The following SLC44A5 variants were observed in gnomAD, a reference collection of about 807,000 sequenced individuals.
The protein encoded by SLC44A5 is choline transporter-like protein 5.
SLC44A5 carries 57 observed loss-of-function variants against 101.8 expected under a neutral mutation model. That is an observed-to-expected ratio of 0.56 (90% CI 0.45 to 0.70). SLC44A5 has a LOEUF of 0.70. Among genes scored for constraint, SLC44A5 ranks in the 30% least tolerant of loss-of-function variants. The pLI is 0.00. For missense variants in SLC44A5, 737 were observed against 853.1 expected (o/e 0.86, Z 1.70); for synonymous variants, 281 against 290.9 (o/e 0.97, Z 0.35).
intron 9 of SLC44A5, among the ~76,000 whole-genome samples, chr1:75,239,864 A>T (rs879733599): frequency 2.6e-5 from 4 of 152,060 alleles, no homozygotes; most frequent in East Asian, 1.9e-4. Flanking sequence ...GAATGAGTTA[A>T]CTTTTTCGAG....
At chr1:75,517,354 G>A (rs115688779) in intron 2 of SLC44A5, among the ~76,000 whole-genome samples, 2,519 of 151,806 alleles carry the variant, frequency 0.017, 46 homozygotes, top group Middle Eastern at 0.034. Flanking sequence ...GAACACCAAG[G>A]CACAATAGAT....
At chr1:75,532,339 T>C (rs1208564862) in intron 2 of SLC44A5, among the ~76,000 whole-genome samples, 1 of 152,260 alleles carries the variant, frequency 6.6e-6, no homozygotes, top group Non-Finnish European at 1.5e-5. Context: ...AGTTGTCTAA[T>C]GCTTCAGATT....
intron 2 of SLC44A5, among the ~76,000 whole-genome samples, chr1:75,422,602 T>C (rs772423830): frequency 6.6e-6 from 1 of 152,206 alleles, no homozygotes; most frequent in Non-Finnish European, 1.5e-5. Flanking sequence ...GAGGGACATA[T>C]TTATATTACC....
At chr1:75,528,528 C>G (rs1670549067) in intron 2 of SLC44A5, among the ~76,000 whole-genome samples, 1 of 152,114 alleles carries the variant, frequency 6.6e-6, no homozygotes, top group African/African-American at 2.4e-5. Flanking sequence ...TTGTCAAATG[C>G]AGGCAAACAT....
chr1:75,716,715 C>T, the SLC44A5 span, among the ~76,000 whole-genome samples: 2 of 152,096 alleles, frequency 1.3e-5, no homozygotes, highest in African/African-American at 2.4e-5. Context: ...AACCTAAATG[C>T]CCATCAACTA....
chr1:75,604,594 C>G (rs898157360), intron 1 of SLC44A5, among the ~76,000 whole-genome samples: 3 of 152,150 alleles, frequency 2.0e-5, no homozygotes, highest in African/African-American at 7.2e-5. Context: ...AGCATTGAAT[C>G]TGTAGATTGC....
intron 2 of SLC44A5, among the ~76,000 whole-genome samples, chr1:75,488,087 G>A (rs975511070): frequency 3.3e-5 from 5 of 152,170 alleles, no homozygotes; most frequent in Non-Finnish European, 7.3e-5. Context: ...ATCACCCCCA[G>A]ATGGGACTGT....
At chr1:75,563,713 T>G (rs1410200597) in intron 1 of SLC44A5, among the ~76,000 whole-genome samples, 1 of 152,012 alleles carries the variant, frequency 6.6e-6, no homozygotes, top group African/African-American at 2.4e-5. Context: ...TAAATGAAAT[T>G]GTTATATTTA....
At chr1:75,216,853 A>C (rs982956164) in intron 18 of SLC44A5, among the ~76,000 whole-genome samples, 4 of 151,972 alleles carry the variant, frequency 2.6e-5, no homozygotes, top group African/African-American at 7.2e-5. Flanking sequence ...TCTGGATATG[A>C]ATTCCTTATC....
At chr1:75,223,962 G>A (rs545860336) in intron 13 of SLC44A5, among the ~76,000 whole-genome samples, 3 of 152,124 alleles carry the variant, frequency 2.0e-5, no homozygotes, top group Non-Finnish European at 4.4e-5. Flanking sequence ...TTATGACATT[G>A]CACCGTTAAA....
intron 11 of SLC44A5, among the ~76,000 whole-genome samples, chr1:75,235,248 C>CA (rs1416273385): frequency 6.6e-6 from 1 of 151,612 alleles, no homozygotes; most frequent in Non-Finnish European, 1.5e-5. Context: ...GGAAAAAAAA[C>CA]AAAAAATACA....
chr1:75,488,484 G>C (rs1461779898), intron 2 of SLC44A5, among the ~76,000 whole-genome samples: 1 of 152,150 alleles, frequency 6.6e-6, no homozygotes, highest in African/African-American at 2.4e-5. Flanking sequence ...GTCCACATTT[G>C]ACCAAAATGT....
Position 75,279,621 on chromosome 1 carries a change from CT to C in SLC44A5, c.176-4580del, listed in dbSNP as rs376218619. Among the ~76,000 whole-genome samples the C allele has an allele frequency of 8.8e-3, 1,332 of 151,854 alleles. 18 individuals carry two copies. The highest frequency in any genetic ancestry group is 0.03 in the African/African-American group (1,254 of 41,408). The stretch of plus-strand genomic sequence containing the variant: ...AATTATTATATAGTTTTGAAAAAAC[CT>C]TTTTTTTGTTCTTCAGAATTTATCT... On this transcript the variant is annotated intron_variant, in intron 5 of 23. Transcript: ENST00000370859.
chr1:75,632,472 A>G, the SLC44A5 span, among the ~76,000 whole-genome samples: 2 of 152,144 alleles, frequency 1.3e-5, no homozygotes, highest in African/African-American at 4.8e-5. Context: ...AGAACTTTAG[A>G]GATGATCAGT....
At chr1:75,487,230 G>A (rs1039642225) in intron 2 of SLC44A5, among the ~76,000 whole-genome samples, 2 of 152,116 alleles carry the variant, frequency 1.3e-5, no homozygotes, top group African/African-American at 2.4e-5. Context: ...GTTGCAACAA[G>A]TAAAGAGAAG....
At chr1:75,510,572 G>A (rs1669510804) in intron 2 of SLC44A5, among the ~76,000 whole-genome samples, 1 of 152,104 alleles carries the variant, frequency 6.6e-6, no homozygotes, top group South Asian at 2.1e-4. Flanking sequence ...ACATTTTAAA[G>A]GCAAACAGGA....
chr1:75,397,521 T>C (rs897107867), intron 2 of SLC44A5, among the ~76,000 whole-genome samples: 1 of 152,158 alleles, frequency 6.6e-6, no homozygotes, highest in African/African-American at 2.4e-5. Flanking sequence ...TAAATTGTGT[T>C]CCTTTGGGAA....
At chr1:75,451,264 A>G (rs759655571) in intron 2 of SLC44A5, among the ~76,000 whole-genome samples, 26 of 152,224 alleles carry the variant, frequency 1.7e-4, no homozygotes, top group Non-Finnish European at 2.8e-4. Flanking sequence ...ATCTGAGGCA[A>G]CAAAGAGCTT....
chr1:75,566,859 C>T (rs1047167321), intron 1 of SLC44A5, among the ~76,000 whole-genome samples: 12 of 152,252 alleles, frequency 7.9e-5, no homozygotes, highest in African/African-American at 1.9e-4. Flanking sequence ...CTGTAGCATA[C>T]GTATTATCAG....
Sources: allele counts gnomAD v4.1 joint callset (sites outside exome capture counted in the v4.1 genomes callset), GRCh38; gene constraint gnomAD v4.1.1; transcripts MANE v1.5; gene names NCBI Gene and HGNC (gene_info 2026-07-23, HGNC 2026-07-21).